MOCOS: variants seen among roughly 807,000 people sequenced by gnomAD.
MOCOS encodes the protein molybdenum cofactor sulfurase.
In MOCOS, 86 loss-of-function variants were observed where a neutral mutation model predicts 83.6. The observed-to-expected ratio is 1.03, with a 90% confidence interval of 0.86 to 1.23. The LOEUF is 1.23. Among genes scored for constraint, MOCOS ranks in the 50% most tolerant of loss-of-function variants. The pLI is 0.00. For synonymous variants in MOCOS, 445 were observed against 434.7 expected (o/e 1.02, Z -0.29); for missense variants, 1,120 against 1,126.9 (o/e 0.99, Z 0.09).
intron 9 of MOCOS, among the ~76,000 whole-genome samples, chr18:36,238,895 T>C (rs1169386003): frequency 2.7e-5 from 4 of 145,872 alleles, no homozygotes; most frequent in East Asian, 4.0e-4. Context: ...GTAATGGCCT[T>C]CTTTGTCTCT....
intron 8 of MOCOS, among the ~76,000 whole-genome samples, chr18:36,219,214 T>A (rs1325318165): frequency 6.7e-6 from 1 of 149,716 alleles, no homozygotes; most frequent in Non-Finnish European, 1.5e-5. Flanking sequence ...TGACACAGAG[T>A]CTCACTCTTG....
chr18:36,265,753 A>G (rs1353287277), intron 13 of MOCOS, among the ~76,000 whole-genome samples: 1 of 151,984 alleles, frequency 6.6e-6, no homozygotes, highest in Non-Finnish European at 1.5e-5. Flanking sequence ...ATATATATAT[A>G]TATATATGCA....
rs2091403109 is a variant in MOCOS at position 36,199,608 on chromosome 18, G to A, written c.300-75G>A. On this transcript the variant is annotated intron_variant, in intron 3 of 14. Coordinates refer to ENST00000261326, the MANE Select transcript of MOCOS (RefSeq NM_017947.4). ...TAAGGTAGAGATGTCATAGTTAATA[G>A]AAATAAAACAGCCTGCAAACATTCA... is the stretch of plus-strand genomic sequence containing the variant. 3.1e-6 allele frequency: 5 copies of A among 1,601,658 alleles called. No homozygotes were observed. The African/African-American group carries it at 5.3e-5, about 17-fold the overall frequency.
intron 9 of MOCOS, among the ~76,000 whole-genome samples, chr18:36,223,845 A>G (rs1040298650): frequency 9.2e-5 from 14 of 151,978 alleles, no homozygotes; most frequent in African/African-American, 3.1e-4. Flanking sequence ...TGTTCTTTTA[A>G]AAGAGATTTA....
chr18:36,200,474 A>C, intron 4 of MOCOS, 150 bp downstream of exon 4: 1 of 1,014,318 alleles, frequency 9.9e-7, no homozygotes, highest in Non-Finnish European at 1.4e-6. Flanking sequence ...CAGGGCTCAG[A>C]TCTGGGAGGC....
intron 7 of MOCOS, among the ~76,000 whole-genome samples, chr18:36,215,298 A>T (rs903689905): frequency 1.3e-5 from 2 of 152,130 alleles, no homozygotes; most frequent in South Asian, 4.1e-4. Context: ...TGAGATTGAT[A>T]TTGGTCCCAA....
chr18:36,268,614 C>T lies in MOCOS; in HGVS notation c.2596C>T (p.Pro866Ser), dbSNP rs760487991. ...CFLSVGSQVL[P>S]VLKENVEGHD... is the part of the protein sequence containing the mutation. ...CCTGTCTGTAGGATCTCAGGTGCTC[C>T]CTGTGTTGAAAGAGAATGTGGAAGG... Residue 866 changes from proline (P) to serine (S), a missense_variant, in exon 15 of 15, where the codon CCT (proline) becomes TCT (serine). Coordinates refer to ENST00000261326, the MANE Select transcript of MOCOS (RefSeq NM_017947.4). 74 of 1,613,818 alleles carry T rather than the reference C, an allele frequency of 4.6e-5. No individual in the cohort carries two copies. The highest frequency in any genetic ancestry group is 6.0e-5 in the Non-Finnish European group (71 of 1,180,006).
chr18:36,218,523 T>C (rs910522380), intron 8 of MOCOS, among the ~76,000 whole-genome samples: 1 of 152,144 alleles, frequency 6.6e-6, no homozygotes, highest in Non-Finnish European at 1.5e-5. Flanking sequence ...TTGCTTATTA[T>C]TATTTTTTCG....
intron 9 of MOCOS, among the ~76,000 whole-genome samples, chr18:36,231,001 ATTC>A (rs1274101086): frequency 6.6e-6 from 1 of 152,234 alleles, no homozygotes; most frequent in Non-Finnish European, 1.5e-5. Flanking sequence ...GATGGAAGAC[ATTC>A]TTCTTTATTA....
Position 36,213,656 on chromosome 18 carries a change from C to T in MOCOS, c.1335+174C>T, listed in dbSNP as rs143906516. On this transcript the variant is annotated intron_variant, in intron 7 of 14. Transcript: ENST00000261326. ...GAAAATGCTTCAAGAAGGCCGGGTG[C>T]GGTGGCTCACGCCTGTAATCCCAGC... Among the ~76,000 whole-genome samples, 856 of 152,310 alleles carry T rather than the reference C, an allele frequency of 5.6e-3. 6 individuals carry two copies. Among genetic ancestry groups the T allele is most frequent in the African/African-American group, 0.015 (638 of 41,566 alleles).
At chr18:36,198,603 G>T in intron 2 of MOCOS, 87 bp from the exon 3 acceptor site, 1 of 1,338,124 alleles carries the variant, frequency 7.5e-7, no homozygotes, top group South Asian at 1.2e-5. Flanking sequence ...TGAGCTTTTT[G>T]AGAAACTGAG....
chr18:36,189,037 C>T (rs948258009), intron 1 of MOCOS, among the ~76,000 whole-genome samples: 3 of 152,072 alleles, frequency 2.0e-5, no homozygotes, highest in African/African-American at 7.2e-5. Context: ...TTTGAAGCAA[C>T]TCTTCAAGGC....
intron 4 of MOCOS, 61 bp downstream of exon 4, chr18:36,200,385 TC>T: frequency 1.3e-6 from 2 of 1,594,012 alleles, no homozygotes. Context: ...GGCCTGTTTC[TC>T]CTGGAGGATT....
intron 10 of MOCOS, 134 bp downstream of exon 10, chr18:36,249,134 TTC>T: frequency 1.3e-6 from 1 of 764,806 alleles, no homozygotes; most frequent in Non-Finnish European, 2.3e-6. Flanking sequence ...CCTTGCATGC[TTC>T]TCTCTAACCA....
intron 9 of MOCOS, among the ~76,000 whole-genome samples, chr18:36,223,279 T>A (rs560381254): frequency 1.3e-5 from 2 of 152,366 alleles, no homozygotes; most frequent in African/African-American, 4.8e-5. Flanking sequence ...TGATGTAAGA[T>A]AAGGGTCCAA....
At chr18:36,267,636 A>G (rs2091685995) in intron 14 of MOCOS, among the ~76,000 whole-genome samples, 1 of 152,186 alleles carries the variant, frequency 6.6e-6, no homozygotes, top group Non-Finnish European at 1.5e-5. Flanking sequence ...AGAGTAGTGC[A>G]TTTGACTGTT....
In MOCOS at chr18:36,200,006, G is replaced by A. The variant is rs754037586; in HGVS notation, c.623G>A (p.Gly208Glu). 5.6e-6 allele frequency: 9 copies of A among 1,614,096 alleles called. No individual in the cohort carries two copies. Among genetic ancestry groups the A allele is most frequent in the Non-Finnish European group, 7.6e-6 (9 of 1,180,034 alleles). ...FCYPAQSNFS[G>E]VRYPLSWIEE... ...TACCCAGCTCAGAGTAACTTTTCTG[G>A]AGTCAGATACCCCCTGTCCTGGATA... is the stretch of plus-strand genomic sequence containing the variant. The change falls in exon 4 of 15, where the codon GGA (glycine) becomes GAA (glutamate). Residue 208 changes from glycine (G) to glutamate (E), a missense_variant. By Grantham distance (98) the Gly-to-Glu change is moderately conservative. Coordinates refer to ENST00000261326, the MANE Select transcript of MOCOS (RefSeq NM_017947.4).
intron 8 of MOCOS, among the ~76,000 whole-genome samples, chr18:36,219,680 AAAACAAAC>A (rs557754625): frequency 1.3e-5 from 2 of 152,172 alleles, no homozygotes; most frequent in Admixed American, 6.5e-5. Flanking sequence ...CTCCATCTTA[AAAACAAAC>A]AAACAAACAA....
intron 9 of MOCOS, among the ~76,000 whole-genome samples, chr18:36,229,115 T>G (rs1321763074): frequency 6.6e-6 from 1 of 152,218 alleles, no homozygotes; most frequent in Non-Finnish European, 1.5e-5. Context: ...AATAGTAACA[T>G]AATATTATTT....
Sources: allele counts gnomAD v4.1 joint callset (sites outside exome capture counted in the v4.1 genomes callset), GRCh38; gene constraint gnomAD v4.1.1; transcripts MANE v1.5; gene names NCBI Gene and HGNC (gene_info 2026-07-23, HGNC 2026-07-21).